ITPR2: variants seen among roughly 807,000 people sequenced by gnomAD.
ITPR2 encodes the protein inositol 1,4,5-trisphosphate-gated calcium channel ITPR2.
Under a neutral mutation model 317.1 loss-of-function variants are expected in ITPR2, and 207 were observed. That is an observed-to-expected ratio of 0.65 (90% CI 0.58 to 0.73). The LOEUF is 0.73. ITPR2 is among the 30% of genes least tolerant of loss of function. The pLI is 0.00. For synonymous variants in ITPR2, 1,156 were observed against 1,149.1 expected (o/e 1.01, Z -0.12); for missense variants, 2,613 against 3,284.0 (o/e 0.80, Z 4.99).
intron 26 of ITPR2, among the ~76,000 whole-genome samples, chr12:26,612,623 A>G (rs553402108): frequency 6.6e-6 from 1 of 152,296 alleles, no homozygotes; most frequent in South Asian, 2.1e-4. Flanking sequence ...CCAGCTTCCC[A>G]ATCCACCCAT....
chr12:26,532,499 G>A (rs992938442), intron 37 of ITPR2, among the ~76,000 whole-genome samples: 2 of 152,130 alleles, frequency 1.3e-5, no homozygotes, highest in African/African-American at 4.8e-5. Context: ...TCCCACCTCA[G>A]CCTGCTAAGT....
intron 37 of ITPR2, among the ~76,000 whole-genome samples, chr12:26,525,455 T>C (rs1471734016): frequency 6.6e-6 from 1 of 152,164 alleles, no homozygotes; most frequent in African/African-American, 2.4e-5. Flanking sequence ...TAACCAATAA[T>C]ATCACAGCAG....
At chr12:26,515,600 C>T (rs1234148128) in intron 37 of ITPR2, among the ~76,000 whole-genome samples, 1 of 151,980 alleles carries the variant, frequency 6.6e-6, no homozygotes, top group Admixed American at 6.6e-5. Context: ...ACAGAAGACA[C>T]ATAAGAGCTG....
chr12:26,387,457 T>C lies in ITPR2; in HGVS notation c.7834A>G (p.Ser2612Gly). ...KDPTEYTGPE[S>G]YVAQMIVEKN... is the part of the protein sequence containing the mutation. ...ACCACAATCATTTGAGCCACATAAC[T>C]TTCAGGTCCAGTGTATTCTGTTGGG... Residue 2612 changes from serine (S) to glycine (G), a missense_variant, in exon 55 of 57, where the codon AGT becomes GGT. Physicochemically the swap from Ser to Gly is moderately conservative, Grantham distance 56. Around this residue, in one of 9 missense-constraint regions of ITPR2, gnomAD observed 119 missense variants for 144.3 expected, o/e 0.82. Coordinates refer to ENST00000381340, the MANE Select transcript of ITPR2 (RefSeq NM_002223.4). 6.2e-7 allele frequency: 1 copy of C among 1,613,726 alleles called. No individual in the cohort carries two copies. Among genetic ancestry groups the C allele is most frequent in the Non-Finnish European group, 8.5e-7 (1 of 1,179,784 alleles).
chr12:26,600,175 C>A, intron 28 of ITPR2, 66 bp from the exon 29 acceptor site: 1 of 1,406,280 alleles, frequency 7.1e-7, no homozygotes, highest in Non-Finnish European at 9.8e-7. Context: ...ATGCAAAAAT[C>A]TCTCCTTCAC....
chr12:26,565,864 G>A (rs1944950294), intron 34 of ITPR2, among the ~76,000 whole-genome samples: 1 of 60,844 alleles, frequency 1.6e-5, no homozygotes, highest in African/African-American at 5.7e-5. Flanking sequence ...GAGGAGAGGG[G>A]AGGGGAGGAG....
chr12:26,757,406 G>GGGC (rs1384479891), intron 2 of ITPR2, among the ~76,000 whole-genome samples: 1 of 152,098 alleles, frequency 6.6e-6, no homozygotes, highest in African/African-American at 2.4e-5. Flanking sequence ...AGGACAGACA[G>GGGC]GGCTTTGCCA....
At chr12:26,494,017 G>C (rs909395211) in intron 39 of ITPR2, 136 bp downstream of exon 39, 1 of 594,484 alleles carries the variant, frequency 1.7e-6, no homozygotes, top group Admixed American at 3.8e-5. Flanking sequence ...TTTAAGAAAA[G>C]TGTGATACAT....
intron 37 of ITPR2, among the ~76,000 whole-genome samples, chr12:26,501,368 G>A (rs1245833252): frequency 1.3e-5 from 2 of 152,144 alleles, no homozygotes; most frequent in Non-Finnish European, 2.9e-5. Flanking sequence ...GTGATATTCT[G>A]TCCATCGTTA....
intron 55 of ITPR2, among the ~76,000 whole-genome samples, chr12:26,381,742 C>T (rs561065579): frequency 6.6e-5 from 10 of 152,218 alleles, no homozygotes; most frequent in African/African-American, 2.4e-4. Context: ...GAAACGGTTC[C>T]CGAAAACCCA....
intron 37 of ITPR2, among the ~76,000 whole-genome samples, chr12:26,535,167 A>T (rs1944054309): frequency 6.6e-6 from 1 of 152,216 alleles, no homozygotes; most frequent in South Asian, 2.1e-4. Flanking sequence ...AATTGTGTCC[A>T]TAAAAGTTGT....
intron 2 of ITPR2, among the ~76,000 whole-genome samples, chr12:26,768,571 TAAAAA>T (rs879291062): frequency 1.7e-4 from 16 of 96,184 alleles, no homozygotes; most frequent in Non-Finnish European, 2.6e-4. Flanking sequence ...CAAATATATA[TAAAAA>T]AAAAAAAAAA....
intron 39 of ITPR2, among the ~76,000 whole-genome samples, chr12:26,488,294 A>C (rs976581067): frequency 3.9e-5 from 6 of 152,172 alleles, no homozygotes; most frequent in South Asian, 2.1e-4. Context: ...ATAAGAAAAA[A>C]TAATTTCCAG....
intron 26 of ITPR2, among the ~76,000 whole-genome samples, chr12:26,617,936 C>T (rs1045332829): frequency 2.6e-5 from 4 of 151,904 alleles, no homozygotes; most frequent in Non-Finnish European, 4.4e-5. Flanking sequence ...ATCTAGAATG[C>T]AAAGTTACTA....
chr12:26,424,150 T>C (rs1016916823), intron 49 of ITPR2, among the ~76,000 whole-genome samples: 1 of 152,222 alleles, frequency 6.6e-6, no homozygotes. Flanking sequence ...TTATTACAGA[T>C]AGTTGGTAAA....
intron 21 of ITPR2, among the ~76,000 whole-genome samples, chr12:26,645,302 A>T (rs186117605): frequency 1.2e-4 from 19 of 152,346 alleles, no homozygotes; most frequent in African/African-American, 4.6e-4. Context: ...CATCTGATAC[A>T]ATACACACAG....
intron 2 of ITPR2, among the ~76,000 whole-genome samples, chr12:26,786,605 T>G (rs1950256222): frequency 6.6e-6 from 1 of 152,108 alleles, no homozygotes; most frequent in South Asian, 2.1e-4. Context: ...CTTTGGAAAT[T>G]GTTTATTTGG....
intron 48 of ITPR2, among the ~76,000 whole-genome samples, chr12:26,433,270 T>C (rs1223617395): frequency 6.6e-6 from 1 of 152,192 alleles, no homozygotes; most frequent in Admixed American, 6.5e-5. Context: ...AAGCTGAGCC[T>C]CTACATTGGT....
intron 54 of ITPR2, among the ~76,000 whole-genome samples, chr12:26,393,999 T>C (rs542894808): frequency 2.0e-5 from 3 of 148,486 alleles, no homozygotes; most frequent in East Asian, 3.9e-4. Context: ...ATGCACATTA[T>C]GAAAGCAAAA....
Sources: allele counts gnomAD v4.1 joint callset (sites outside exome capture counted in the v4.1 genomes callset), GRCh38; gene constraint gnomAD v4.1.1; regional missense constraint gnomAD v4.1.1; transcripts MANE v1.5; gene names NCBI Gene and HGNC (gene_info 2026-07-23, HGNC 2026-07-21).